Variants in INPP4B observed in about 807,000 individuals in gnomAD.
INPP4B encodes the protein inositol polyphosphate 4-phosphatase type II.
INPP4B carries 55 observed loss-of-function variants against 122.5 expected under a neutral mutation model. That is an observed-to-expected ratio of 0.45 (90% CI 0.36 to 0.56). The LOEUF (loss-of-function observed/expected upper bound fraction) is 0.56. Ranked by LOEUF, INPP4B falls within the 20% of genes least tolerant of loss-of-function variation. The probability of loss-of-function intolerance (pLI) is 0.00; values close to 1 mark genes in which losing one functional copy is unlikely to be tolerated. For missense variants in INPP4B, 1,000 were observed against 1,097.7 expected (o/e 0.91, Z 1.26); for synonymous variants, 403 against 388.7 (o/e 1.04, Z -0.43).
chr4:142,806,766 A>G (rs967526624), intron 1 of INPP4B, among the ~76,000 whole-genome samples: 16 of 74,842 alleles, frequency 2.1e-4, no homozygotes, highest in African/African-American at 7.6e-4. Context: ...AGAAGAAAGA[A>G]GAAAGAAAGA....
In INPP4B at chr4:142,554,811, C is replaced by A. The variant is rs558644541; in HGVS notation, c.-190-92085G>T. On this transcript the variant is annotated intron_variant, in intron 2 of 25. Transcript: ENST00000262992. ...TGTGTACTGCATTCATGATGAACAA[C>A]ATATTTGTAATCAAAGACCACATCC... 2.0e-5 allele frequency among the ~76,000 whole-genome samples: 3 copies of A among 152,296 alleles called. No individual in the cohort carries two copies. The East Asian group carries it at 5.8e-4, about 29-fold the overall frequency.
chr4:142,099,620 A>C (rs9884618), intron 23 of INPP4B, among the ~76,000 whole-genome samples: 6 of 152,058 alleles, frequency 3.9e-5, no homozygotes, highest in African/African-American at 1.5e-4. Context: ...CTTCAAGTTT[A>C]TTAAAAATAC....
intron 7 of INPP4B, among the ~76,000 whole-genome samples, chr4:142,399,416 C>T (rs1234349587): frequency 6.6e-6 from 1 of 151,840 alleles, no homozygotes; most frequent in African/African-American, 2.4e-5. Flanking sequence ...AGGATGGTCT[C>T]AATCTCTTGA....
chr4:142,158,391 G>T (rs984523857), intron 17 of INPP4B, among the ~76,000 whole-genome samples: 16 of 152,056 alleles, frequency 1.1e-4, no homozygotes, highest in African/African-American at 3.6e-4. Flanking sequence ...GAGGGCCAAC[G>T]TTGTTCACCT....
At chr4:142,411,406 A>G (rs1804561677) in intron 5 of INPP4B, among the ~76,000 whole-genome samples, 1 of 152,232 alleles carries the variant, frequency 6.6e-6, no homozygotes, top group African/African-American at 2.4e-5. Flanking sequence ...TCTTGCAATT[A>G]AAACTAAATG....
chr4:142,473,107 A>T (rs900217138), intron 2 of INPP4B: 1 of 152,208 alleles, frequency 6.6e-6, no homozygotes, highest in Non-Finnish European at 1.5e-5. Context: ...CATTAGCTAC[A>T]TGACTAAGTA....
chr4:142,481,949 A>G (rs993248298), intron 2 of INPP4B, among the ~76,000 whole-genome samples: 1 of 152,180 alleles, frequency 6.6e-6, no homozygotes, highest in East Asian at 1.9e-4. Context: ...GCAGCTATAG[A>G]ATTAAAAGCC....
intron 5 of INPP4B, chr4:142,426,554 C>T (rs1165704145): frequency 2.0e-5 from 3 of 151,910 alleles, no homozygotes; most frequent in Non-Finnish European, 4.4e-5. Flanking sequence ...AAGAGATACT[C>T]AGTTTTTCAG....
intron 5 of INPP4B, among the ~76,000 whole-genome samples, chr4:142,409,875 G>A (rs1359004693): frequency 6.6e-6 from 1 of 152,188 alleles, no homozygotes; most frequent in African/African-American, 2.4e-5. Flanking sequence ...CTTAGGAAGA[G>A]GGCACAGATT....
intron 12 of INPP4B, among the ~76,000 whole-genome samples, chr4:142,222,088 T>G (rs903378510): frequency 6.6e-6 from 1 of 152,218 alleles, no homozygotes; most frequent in Non-Finnish European, 1.5e-5. Context: ...GCCTCCCAAG[T>G]AGCCAGGATT....
At chr4:142,588,112 A>G (rs1200656980) in intron 2 of INPP4B, among the ~76,000 whole-genome samples, 3 of 151,946 alleles carry the variant, frequency 2.0e-5, no homozygotes, top group Non-Finnish European at 4.4e-5. Context: ...AAAATTCAAC[A>G]TGTATTCAAA....
intron 7 of INPP4B, among the ~76,000 whole-genome samples, chr4:142,343,216 A>G (rs1272265059): frequency 6.6e-6 from 1 of 152,138 alleles, no homozygotes; most frequent in Non-Finnish European, 1.5e-5. Context: ...ATAGGAGCTG[A>G]TGTAAAACAA....
At chr4:142,690,420 C>T (rs1473116264) in intron 2 of INPP4B, among the ~76,000 whole-genome samples, 1 of 151,812 alleles carries the variant, frequency 6.6e-6, no homozygotes, top group African/African-American at 2.4e-5. Flanking sequence ...ATGTAAAAGC[C>T]TTTTAATTTC....
At chr4:142,596,214 C>A (rs544191882) in intron 2 of INPP4B, among the ~76,000 whole-genome samples, 1 of 152,034 alleles carries the variant, frequency 6.6e-6, no homozygotes, top group African/African-American at 2.4e-5. Flanking sequence ...ATGATTCTTC[C>A]ACTTAGTCCA....
At chr4:142,379,545 T>C (rs1793283711) in intron 7 of INPP4B, among the ~76,000 whole-genome samples, 1 of 152,208 alleles carries the variant, frequency 6.6e-6, no homozygotes, top group Non-Finnish European at 1.5e-5. Flanking sequence ...CCCAACCTAG[T>C]TGCAATTATC....
chr4:142,193,237 T>C (rs931366817), intron 14 of INPP4B, 42 bp from the exon 15 acceptor site: 3 of 1,119,612 alleles, frequency 2.7e-6, no homozygotes, highest in Non-Finnish European at 4.1e-6. Context: ...TTTGCAAACA[T>C]TTATCTCCGT....
intron 2 of INPP4B, among the ~76,000 whole-genome samples, chr4:142,650,254 G>A (rs1348918155): frequency 6.6e-6 from 1 of 152,186 alleles, no homozygotes; most frequent in Non-Finnish European, 1.5e-5. Context: ...ACCAGCCACT[G>A]CAAAAACATG....
intron 12 of INPP4B, among the ~76,000 whole-genome samples, chr4:142,215,368 G>A (rs1287621823): frequency 6.6e-6 from 1 of 152,146 alleles, no homozygotes; most frequent in Non-Finnish European, 1.5e-5. Context: ...GGTTGTGAGT[G>A]GGATTTGGAA....
intron 2 of INPP4B, among the ~76,000 whole-genome samples, chr4:142,590,604 C>G (rs940321032): frequency 6.6e-6 from 1 of 151,950 alleles, no homozygotes; most frequent in Non-Finnish European, 1.5e-5. Context: ...AGATTAGCAA[C>G]AGGAGGAGGC....
Sources: gnomAD v4.1 joint callset for allele counts (sites outside exome capture counted in the v4.1 genomes callset) on GRCh38, gnomAD v4.1.1 for gene constraint, MANE v1.5 for transcripts, NCBI Gene and HGNC (gene_info 2026-07-23, HGNC 2026-07-21) for gene names.